The following B3GALT1 variants were observed in gnomAD, a reference collection of about 807,000 sequenced individuals.
B3GALT1 encodes beta-1,3-galactosyltransferase 1.
A neutral mutation model predicts 23.2 loss-of-function variants in B3GALT1; 10 were observed. That is an observed-to-expected ratio of 0.43 (90% CI 0.27 to 0.73). The LOEUF (loss-of-function observed/expected upper bound fraction) is 0.73, where lower values mean the gene tolerates loss of function less well. Among genes scored for constraint, B3GALT1 ranks in the 30% least tolerant of loss-of-function variants. The pLI is 0.21. For missense variants in B3GALT1, 299 were observed against 405.4 expected (o/e 0.74, Z 2.25); for synonymous variants, 156 against 141.5 (o/e 1.10, Z -0.73).
chr2:167,343,265 A>G (rs1697177175), intron 1 of B3GALT1, among the ~76,000 whole-genome samples: 1 of 152,208 alleles, frequency 6.6e-6, no homozygotes, highest in Non-Finnish European at 1.5e-5. Context: ...CCAAACATGC[A>G]AAGAGTTATT....
At chr2:167,834,231 G>T (rs537262152) in intron 4 of B3GALT1, among the ~76,000 whole-genome samples, 20 of 152,256 alleles carry the variant, frequency 1.3e-4, no homozygotes, top group Non-Finnish European at 2.5e-4. Flanking sequence ...TGAAGACTGG[G>T]TACATGTAAC....
At chr2:167,667,319 A>C (rs1025467533) in intron 3 of B3GALT1, among the ~76,000 whole-genome samples, 4 of 152,166 alleles carry the variant, frequency 2.6e-5, no homozygotes, top group Admixed American at 1.3e-4. Flanking sequence ...CTGAGAGATC[A>C]GCTGTTAGTC....
intron 2 of B3GALT1, among the ~76,000 whole-genome samples, chr2:167,515,003 TTAGAAA>T (rs549006131): frequency 8.5e-5 from 13 of 152,270 alleles, no homozygotes; most frequent in South Asian, 4.1e-4. Flanking sequence ...TATGTTTTAC[TTAGAAA>T]TAGACCAAAA....
chr2:167,415,572 A>G (rs1482000802), intron 1 of B3GALT1, among the ~76,000 whole-genome samples: 2 of 152,256 alleles, frequency 1.3e-5, no homozygotes, highest in African/African-American at 4.8e-5. Context: ...CTGCAGCTAC[A>G]GGAGTTTGAA....
At position 167,384,490 on chromosome 2, in the gene B3GALT1, C is replaced by A. The variant is rs531545995; in HGVS notation, c.-511+91156C>A. On this transcript the variant is annotated intron_variant, in intron 1 of 4. Coordinates refer to ENST00000392690, the MANE Select transcript of B3GALT1 (RefSeq NM_020981.4). ...AAACCCCTTCCTGATCCCCATCCAC[C>A]CACTTCCTCACACATACTTCCTATA... is the stretch of plus-strand genomic sequence containing the variant. Among the ~76,000 whole-genome samples the A allele has an allele frequency of 5.3e-5, 8 of 152,268 alleles. No homozygotes were observed. The East Asian group carries it at 1.4e-3, about 26-fold the overall frequency.
chr2:167,322,556 C>T (rs973852051), intron 1 of B3GALT1, among the ~76,000 whole-genome samples: 7 of 151,960 alleles, frequency 4.6e-5, no homozygotes, highest in South Asian at 4.2e-4. Context: ...TTTATTTGAA[C>T]GACATTTAGT....
chr2:167,406,441 C>A (rs75589413), intron 1 of B3GALT1, among the ~76,000 whole-genome samples: 5 of 152,026 alleles, frequency 3.3e-5, no homozygotes, highest in Non-Finnish European at 7.4e-5. Context: ...GGAGAAACTC[C>A]AAGCAGATAG....
At chr2:167,785,816 T>A (rs922188359) in intron 3 of B3GALT1, among the ~76,000 whole-genome samples, 1 of 152,288 alleles carries the variant, frequency 6.6e-6, no homozygotes, top group Admixed American at 6.5e-5. Flanking sequence ...GCGGCATGCA[T>A]TTTTACTCTG....
intron 3 of B3GALT1, among the ~76,000 whole-genome samples, chr2:167,782,701 G>A (rs545567040): frequency 6.8e-4 from 104 of 152,252 alleles, no homozygotes; most frequent in African/African-American, 2.4e-3. Context: ...TATTTTAACA[G>A]GGTGTGCATG....
chr2:167,654,631 T>G (rs984969875), intron 3 of B3GALT1, among the ~76,000 whole-genome samples: 1 of 151,862 alleles, frequency 6.6e-6, no homozygotes, highest in African/African-American at 2.4e-5. Context: ...GTAGCTGGGA[T>G]AGCAAGTGTG....
At chr2:167,330,483 G>A (rs1696956461) in intron 1 of B3GALT1, among the ~76,000 whole-genome samples, 1 of 152,110 alleles carries the variant, frequency 6.6e-6, no homozygotes, top group Admixed American at 6.5e-5. Flanking sequence ...TGTGGCACGT[G>A]CCTGTAGTGC....
intron 3 of B3GALT1, among the ~76,000 whole-genome samples, chr2:167,734,613 GCAGTCAC>G (rs1209350774): frequency 6.6e-6 from 1 of 152,160 alleles, no homozygotes; most frequent in Non-Finnish European, 1.5e-5. Flanking sequence ...AACAGCCTTG[GCAGTCAC>G]TTTTTTAAAG....
chr2:167,818,235 TTC>T (rs1420109409), intron 3 of B3GALT1, among the ~76,000 whole-genome samples: 4 of 152,218 alleles, frequency 2.6e-5, no homozygotes, highest in Admixed American at 1.3e-4. Flanking sequence ...AAATCTATAT[TTC>T]TGTTTTTCCC....
At chr2:167,621,089 C>CTTT (rs35420239) in intron 2 of B3GALT1, among the ~76,000 whole-genome samples, 3,033 of 129,080 alleles carry the variant, frequency 0.023, 101 homozygotes, top group East Asian at 0.068. Flanking sequence ...TTTTTCAGTT[C>CTTT]TTTTTTTTTT....
chr2:167,597,928 G>C (rs1684808530), intron 2 of B3GALT1, among the ~76,000 whole-genome samples: 1 of 152,182 alleles, frequency 6.6e-6, no homozygotes, highest in Non-Finnish European at 1.5e-5. Context: ...GAGAAGGTAA[G>C]ATATGACATA....
chr2:167,511,677 T>C (rs1302141786), intron 2 of B3GALT1, among the ~76,000 whole-genome samples: 1 of 152,182 alleles, frequency 6.6e-6, no homozygotes, highest in Admixed American at 6.5e-5. Flanking sequence ...ATTAGGAAAG[T>C]CTTCCAAATG....
intron 2 of B3GALT1, among the ~76,000 whole-genome samples, chr2:167,548,294 A>C (rs73026033): frequency 0.063 from 9,568 of 152,214 alleles, 897 homozygotes; most frequent in African/African-American, 0.2. Context: ...AAAAAGAGAA[A>C]TCAAGCTTAC....
intron 4 of B3GALT1, among the ~76,000 whole-genome samples, chr2:167,865,328 G>A (rs1237261187): frequency 1.3e-5 from 2 of 152,162 alleles, no homozygotes; most frequent in Non-Finnish European, 2.9e-5. Flanking sequence ...AGAATCGCTT[G>A]AACCCAGGAG....
At chr2:167,492,797 T>C (rs1042643066) in intron 2 of B3GALT1, among the ~76,000 whole-genome samples, 9 of 152,088 alleles carry the variant, frequency 5.9e-5, no homozygotes, top group Non-Finnish European at 1.3e-4. Context: ...CACTTTGTAA[T>C]AACAGTGATC....
Sources: gnomAD v4.1 joint callset for allele counts (sites outside exome capture counted in the v4.1 genomes callset) on GRCh38, gnomAD v4.1.1 for gene constraint, MANE v1.5 for transcripts, NCBI Gene and HGNC (gene_info 2026-07-23, HGNC 2026-07-21) for gene names.